RADX: variants seen among roughly 807,000 people sequenced by gnomAD.
The protein encoded by RADX is RPA1 related single stranded DNA binding protein, X-linked, also known as RPA-related protein RADX.
RADX carries 36 observed loss-of-function variants against 61.6 expected under a neutral mutation model. The ratio of observed to expected loss-of-function variants is 0.58; its 90% confidence interval spans 0.45 to 0.77. The LOEUF is 0.77. Among genes scored for constraint, RADX ranks in the 30% least tolerant of loss-of-function variants. The pLI is 0.00. For missense variants in RADX, 497 were observed against 651.1 expected (o/e 0.76, Z 2.58); for synonymous variants, 272 against 237.9 (o/e 1.14, Z -1.32).
At chrX:106,674,039 G>A (rs1446714027) in intron 13 of RADX, among the ~76,000 whole-genome samples, 2 of 111,044 alleles carry the variant, frequency 1.8e-5, no homozygotes, top group African/African-American at 3.3e-5. Flanking sequence ...CCGGGGTGGG[G>A]GGTGGTATTG....
rs752288022 is a variant in RADX, at chrX:106,674,214, G to A, written c.2438-3914G>A. ...AAATTAATGTCCTTGCCAGGGGAGG[G>A]GTGGGAGACGATTGGTGGAGCCTTC... On this transcript the variant is annotated intron_variant, in intron 13 of 13. Transcript: ENST00000372548. Among the ~76,000 whole-genome samples the A allele has an allele frequency of 5.0e-4, 55 of 111,031 alleles. No homozygotes were observed. The South Asian group carries it at 0.011, about 22-fold the overall frequency.
intron 11 of RADX, among the ~76,000 whole-genome samples, chrX:106,658,462 A>G (rs1928004872): frequency 8.9e-6 from 1 of 111,891 alleles, no homozygotes; most frequent in Non-Finnish European, 1.9e-5. Flanking sequence ...TTTGTTGGGA[A>G]TGTGTTACAC....
intron 11 of RADX, 35 bp downstream of exon 11, chrX:106,648,421 C>A: frequency 2.2e-6 from 2 of 914,711 alleles, no homozygotes; most frequent in Non-Finnish European, 3.2e-6. Context: ...TTTATGAAAA[C>A]TTTATGAAAC....
At position 106,637,834 on chromosome X, in the gene RADX, T is replaced by G; in HGVS notation, c.1483T>G (p.Ser495Ala). 2 of 1,206,916 alleles carry G rather than the reference T, an allele frequency of 1.7e-6. No individual in the cohort carries two copies. The highest frequency in any genetic ancestry group is 2.2e-6 in the Non-Finnish European group (2 of 891,407). ...TCAATGGATTAGAACAAAGTCTGAT[T>G]CCGGGGAACAGAAGAATATGGTTAT... The part of the protein sequence containing the change: ...FIQWIRTKSD[S>A]GEQKNMVIGG... Residue 495 changes from serine to alanine, a missense_variant, in exon 8 of 14, where the codon TCC (serine) becomes GCC (alanine). Ser to Ala is a moderately conservative substitution (Grantham distance 99). This residue lies in a region of RADX where 267 missense variants were observed against 306.9 expected (regional missense o/e 0.87). Transcript: ENST00000372548.
chrX:106,669,001 T>G (rs144428900), intron 12 of RADX, among the ~76,000 whole-genome samples, 162 bp from the exon 13 acceptor site: 2,015 of 112,049 alleles, frequency 0.018, 36 homozygotes, highest in African/African-American at 0.062. Context: ...TACCATGTAT[T>G]CATAAATTGC....
chrX:106,650,724 G>T (rs1241236813), intron 11 of RADX, among the ~76,000 whole-genome samples: 1 of 111,104 alleles, frequency 9.0e-6, no homozygotes. Context: ...AAATAAACAC[G>T]TTTAAAAAGT....
chrX:106,652,695 G>GCACACACACACACA (rs112557092), intron 11 of RADX, among the ~76,000 whole-genome samples: 1 of 97,005 alleles, frequency 1.0e-5, no homozygotes, highest in African/African-American at 3.7e-5. Flanking sequence ...ATCATTAAAT[G>GCACACACACACACA]CACACACACA....
chrX:106,669,075 A>G, intron 12 of RADX, 88 bp from the exon 13 acceptor site: 1 of 705,891 alleles, frequency 1.4e-6, no homozygotes, highest in Non-Finnish European at 2.2e-6. Context: ...GCTATCTGGA[A>G]CATGTTGGGA....
chrX:106,662,759 G>C (rs1318544422), intron 12 of RADX, among the ~76,000 whole-genome samples: 19 of 106,304 alleles, frequency 1.8e-4, no homozygotes, highest in Non-Finnish European at 2.9e-4. Context: ...AGACCCTCAA[G>C]ATAATAAAAT....
chrX:106,613,561 A>G (rs967646431), intron 1 of RADX, among the ~76,000 whole-genome samples: 1 of 112,227 alleles, frequency 8.9e-6, no homozygotes, highest in Non-Finnish European at 1.9e-5. Flanking sequence ...ATAATTTTCT[A>G]CATTACTGCT....
chrX:106,641,482 A>C (rs2147625038), intron 10 of RADX, among the ~76,000 whole-genome samples: 1 of 111,323 alleles, frequency 9.0e-6, no homozygotes, highest in South Asian at 3.8e-4. Flanking sequence ...AAATCAAACA[A>C]GTTATCTGTC....
intron 12 of RADX, among the ~76,000 whole-genome samples, chrX:106,664,809 A>T (rs931480842): frequency 9.1e-6 from 1 of 110,394 alleles, no homozygotes; most frequent in East Asian, 2.9e-4. Flanking sequence ...AGTCTACTCC[A>T]TTCATAAGAG....
intron 3 of RADX, among the ~76,000 whole-genome samples, chrX:106,626,777 C>T (rs1428800361): frequency 9.0e-6 from 1 of 111,571 alleles, no homozygotes. Flanking sequence ...TTAAAATGTA[C>T]CTTTTGGTCT....
In RADX at chrX:106,633,399, AAT is replaced by A. The variant is rs1927283591; in HGVS notation, c.1303+150_1303+151del. 3 of 458,325 alleles carry A rather than the reference AAT, an allele frequency of 6.5e-6. No homozygotes were observed. The South Asian group carries it at 1.7e-4, about 26-fold the overall frequency. The allele number at this position is 458,325 out of a possible 1,213,427, so 37.8% of individuals were successfully genotyped here. On this transcript the variant is annotated intron_variant, in intron 6 of 13. Coordinates refer to ENST00000372548, the MANE Select transcript of RADX (RefSeq NM_018015.6). ...AGCATGTTTAAATCTTTTCTATATTAATATCGTTTTTTATAGACATTAACAAC... is the reference window on the plus strand; with the variant it reads ...AGCATGTTTAAATCTTTTCTATATTAATCGTTTTTTATAGACATTAACAAC...
chrX:106,677,915 G>A (rs1018287762), intron 13 of RADX, among the ~76,000 whole-genome samples: 1 of 110,150 alleles, frequency 9.1e-6, no homozygotes, highest in Admixed American at 9.7e-5. Flanking sequence ...TTCATGCCAT[G>A]GCAGTTTTGG....
chrX:106,615,678 C>G (rs1231842491), intron 1 of RADX, among the ~76,000 whole-genome samples: 1 of 109,042 alleles, frequency 9.2e-6, no homozygotes. Flanking sequence ...TCTTTCCTCT[C>G]TTACATTTTT....
Position 106,640,722 on chromosome X carries a change from G to C in RADX, c.1904+1G>C. On this transcript the variant is annotated splice_donor_variant, in intron 10 of 13. Coordinates refer to ENST00000372548, the MANE Select transcript of RADX (RefSeq NM_018015.6). LOFTEE classifies it high-confidence loss of function. Reference sequence around the variant, plus strand: ...TTCTTCAAGGCCCACACGCTAATCCGTAAGTCATTTGTATTAAGTATATGT... The same window carrying C: ...TTCTTCAAGGCCCACACGCTAATCCCTAAGTCATTTGTATTAAGTATATGT... 8.6e-7 allele frequency: 1 copy of C among 1,156,534 alleles called. No homozygotes were observed. The highest frequency in any genetic ancestry group is 3.0e-5 in the East Asian group (1 of 32,888).
At chrX:106,670,661 T>A (rs1412446971) in intron 13 of RADX, among the ~76,000 whole-genome samples, 1 of 109,421 alleles carries the variant, frequency 9.1e-6, no homozygotes, top group Non-Finnish European at 1.9e-5. Flanking sequence ...ATAATAATAA[T>A]AATAGTGTTC....
At chrX:106,634,892 C>G (rs780765533) in intron 6 of RADX, among the ~76,000 whole-genome samples, 4 of 112,126 alleles carry the variant, frequency 3.6e-5, no homozygotes, top group Non-Finnish European at 5.6e-5. Context: ...GGAACTTTGC[C>G]AAGCACGCAT....
Sources: gnomAD v4.1 joint callset for allele counts (sites outside exome capture counted in the v4.1 genomes callset) on GRCh38, gnomAD v4.1.1 for gene constraint, gnomAD v4.1.1 regional missense constraint, MANE v1.5 for transcripts, NCBI Gene and HGNC (gene_info 2026-07-23, HGNC 2026-07-21) for gene names.